The following LRRC4C variants were observed in gnomAD, a reference collection of about 807,000 sequenced individuals.
LRRC4C encodes the protein leucine rich repeat containing 4C, also known as leucine-rich repeat-containing protein 4C.
A neutral mutation model predicts 33.6 loss-of-function variants in LRRC4C; 5 were observed. The observed-to-expected ratio is 0.15, with a 90% CI of 0.08 to 0.31. The LOEUF is 0.31. Among genes scored for constraint, LRRC4C ranks in the 10% least tolerant of loss-of-function variants. LRRC4C has a pLI of 1.00. For missense variants in LRRC4C, 560 were observed against 796.7 expected, an observed-to-expected ratio of 0.70 and a Z score of 3.58; for synonymous variants, 329 against 302.0, an observed-to-expected ratio of 1.09 and a Z score of -0.93.
chr11:41,163,794 T>C (rs867018288), intron 1 of LRRC4C, among the ~76,000 whole-genome samples: 1 of 151,826 alleles, frequency 6.6e-6, no homozygotes, highest in South Asian at 2.1e-4. Context: ...ATATTTTTAG[T>C]AGAGACGAGG....
intron 2 of LRRC4C, among the ~76,000 whole-genome samples, chr11:40,851,456 T>C (rs943699101): frequency 6.6e-6 from 1 of 152,126 alleles, no homozygotes; most frequent in Non-Finnish European, 1.5e-5. Context: ...TTACCCTCTG[T>C]GGGCTGCACC....
rs538164359 is a variant in LRRC4C at position 41,193,273 on chromosome 11, C to T, written c.-495-259550G>A. Among the ~76,000 whole-genome samples, 31 of 152,160 alleles carry T rather than the reference C, an allele frequency of 2.0e-4. No homozygotes were observed. The South Asian group carries it at 6.2e-3, about 31-fold the overall frequency. ...CTTCTTAAAGTTTTTCTTGATAATG[C>T]CCAAGACTGAAGGAATCAGAGTCAT... is the stretch of plus-strand genomic sequence containing the variant. On this transcript the variant is annotated intron_variant, in intron 1 of 6. Transcript: ENST00000528697.
intron 1 of LRRC4C, among the ~76,000 whole-genome samples, chr11:41,261,137 T>C (rs1232655958): frequency 6.6e-6 from 1 of 152,110 alleles, no homozygotes; most frequent in Non-Finnish European, 1.5e-5. Flanking sequence ...GATTAAGTCC[T>C]AGGGGCTTGA....
At chr11:41,437,718 G>A (rs1955479225) in intron 1 of LRRC4C, among the ~76,000 whole-genome samples, 1 of 152,150 alleles carries the variant, frequency 6.6e-6, no homozygotes, top group Non-Finnish European at 1.5e-5. Context: ...GCGCTAAAGA[G>A]TATGTTGGAC....
intron 1 of LRRC4C, among the ~76,000 whole-genome samples, chr11:40,962,166 G>A (rs1449617221): frequency 6.6e-6 from 1 of 151,578 alleles, no homozygotes; most frequent in Non-Finnish European, 1.5e-5. Flanking sequence ...GCATCAGAGA[G>A]AGATACAAGG....
intron 1 of LRRC4C, among the ~76,000 whole-genome samples, chr11:41,247,340 T>G (rs1183872736): frequency 1.3e-5 from 2 of 152,204 alleles, no homozygotes; most frequent in Admixed American, 6.5e-5. Context: ...ACCACCAAAG[T>G]GTTTTCAAAA....
intron 2 of LRRC4C, among the ~76,000 whole-genome samples, chr11:40,675,447 G>A (rs564939450): frequency 6.5e-4 from 99 of 152,284 alleles, no homozygotes; most frequent in South Asian, 3.9e-3. Context: ...GGGAAACCAC[G>A]TTAAGCAGAG....
At chr11:41,435,082 A>T (rs1375041860) in intron 1 of LRRC4C, among the ~76,000 whole-genome samples, 2 of 152,224 alleles carry the variant, frequency 1.3e-5, no homozygotes, top group African/African-American at 4.8e-5. Flanking sequence ...AGTGAGAATT[A>T]AAAGTCCACA....
intron 1 of LRRC4C, among the ~76,000 whole-genome samples, chr11:41,420,216 A>G (rs569801034): frequency 2.6e-5 from 4 of 151,956 alleles, no homozygotes; most frequent in African/African-American, 4.8e-5. Context: ...GAATGTCTAC[A>G]TCATTTCTCC....
intron 2 of LRRC4C, among the ~76,000 whole-genome samples, chr11:40,847,719 A>C (rs1231500781): frequency 6.6e-6 from 1 of 151,316 alleles, no homozygotes; most frequent in Non-Finnish European, 1.5e-5. Context: ...CTCAGAAGGA[A>C]TGGCACAAAC....
chr11:41,072,718 G>T (rs745497782), intron 1 of LRRC4C, among the ~76,000 whole-genome samples: 4 of 152,122 alleles, frequency 2.6e-5, no homozygotes, highest in Non-Finnish European at 4.4e-5. Context: ...TTGGCCACAT[G>T]ATCTGGCTGG....
chr11:40,352,582 G>T (rs960968689), intron 3 of LRRC4C, among the ~76,000 whole-genome samples: 6 of 151,920 alleles, frequency 3.9e-5, no homozygotes, highest in African/African-American at 7.3e-5. Context: ...GTTTTGATAG[G>T]TTCATCTTGA....
chr11:41,206,604 G>A (rs1729954673), intron 1 of LRRC4C, among the ~76,000 whole-genome samples: 1 of 152,114 alleles, frequency 6.6e-6, no homozygotes, highest in South Asian at 2.1e-4. Context: ...AGTGCCCCAG[G>A]CCCTACCACT....
intron 1 of LRRC4C, among the ~76,000 whole-genome samples, chr11:41,432,345 C>T (rs1055636858): frequency 1.3e-5 from 2 of 152,076 alleles, no homozygotes; most frequent in African/African-American, 4.8e-5. Flanking sequence ...TAGCTTGTAT[C>T]AGTCATTACC....
At chr11:41,033,020 C>G (rs572789994) in intron 1 of LRRC4C, among the ~76,000 whole-genome samples, 2 of 151,228 alleles carry the variant, frequency 1.3e-5, no homozygotes, top group Non-Finnish European at 1.5e-5. Context: ...ACATTACCAG[C>G]ACACTTTCTA....
chr11:41,235,882 G>A (rs1948000239), intron 1 of LRRC4C, among the ~76,000 whole-genome samples: 1 of 152,030 alleles, frequency 6.6e-6, no homozygotes, highest in African/African-American at 2.4e-5. Context: ...GAATGAAAGG[G>A]TAATGAGGTA....
At chr11:41,416,869 G>A (rs780045895) in intron 1 of LRRC4C, among the ~76,000 whole-genome samples, 7 of 151,964 alleles carry the variant, frequency 4.6e-5, no homozygotes, top group Non-Finnish European at 8.8e-5. Context: ...GTCATTTGAG[G>A]TGTTTTCATT....
chr11:41,067,237 T>C (rs1368078319), intron 1 of LRRC4C, among the ~76,000 whole-genome samples: 1 of 152,004 alleles, frequency 6.6e-6, no homozygotes, highest in Non-Finnish European at 1.5e-5. Context: ...ACCAAGTAAA[T>C]GGAAAGCAGA....
intron 1 of LRRC4C, among the ~76,000 whole-genome samples, chr11:41,331,150 CA>C (rs2137371763): frequency 6.6e-6 from 1 of 152,248 alleles, no homozygotes; most frequent in East Asian, 1.9e-4. Flanking sequence ...TAAACAAACA[CA>C]AATCCAAAAA....
Sources: allele counts gnomAD v4.1 joint callset (sites outside exome capture counted in the v4.1 genomes callset), GRCh38; gene constraint gnomAD v4.1.1; transcripts MANE v1.5; gene names NCBI Gene and HGNC (gene_info 2026-07-23, HGNC 2026-07-21).